Variants in FBXO31 observed in about 807,000 individuals in gnomAD.
The protein encoded by FBXO31 is F-box only protein 31.
FBXO31 carries 24 observed loss-of-function variants against 54.4 expected under a neutral mutation model. The ratio of observed to expected loss-of-function variants is 0.44; its 90% confidence interval spans 0.32 to 0.62. The LOEUF (loss-of-function observed/expected upper bound fraction) is 0.62, where lower values mean the gene tolerates loss of function less well. FBXO31 is among the 20% of genes least tolerant of loss of function. FBXO31 has a pLI of 0.05. For missense variants in FBXO31, 665 were observed against 787.1 expected, an observed-to-expected ratio of 0.84 and a Z score of 1.86; for synonymous variants, 388 against 335.6, an observed-to-expected ratio of 1.16 and a Z score of -1.71.
chr16:87,345,428 G>C lies in FBXO31; in HGVS notation c.490-1663C>G, dbSNP rs190828457. 3.7e-4 allele frequency among the ~76,000 whole-genome samples: 56 copies of C among 152,280 alleles called. No individual in the cohort carries two copies. Among genetic ancestry groups the C allele is most frequent in the Non-Finnish European group, 5.7e-4 (39 of 68,016 alleles). ...ACACTGGCACCACGCAGAGCCCGCAGAGCACCACCTCCTCACCCCACAGGG... is the reference window on the plus strand; with the variant it reads ...ACACTGGCACCACGCAGAGCCCGCACAGCACCACCTCCTCACCCCACAGGG... On this transcript the variant is annotated intron_variant, in intron 3 of 8. Transcript: ENST00000311635. The surrounding 1 kb of genome is among the most constrained non-coding windows in gnomAD (Gnocchi z 4.9).
At position 87,331,252 on chromosome 16, in the gene FBXO31, G is replaced by A; in HGVS notation, c.*36C>T. 6.3e-7 allele frequency: 1 copy of A among 1,594,210 alleles called. No homozygotes were observed. The highest frequency in any genetic ancestry group is 1.3e-5 in the African/African-American group (1 of 74,672). On this transcript the variant is annotated 3_prime_UTR_variant, in exon 9 of 9. Coordinates refer to ENST00000311635, the MANE Select transcript of FBXO31 (RefSeq NM_024735.5). ...TCACAGGTCAGAGTTCAGAGCCCCA[G>A]AGCCACCCGGGATGTGGCGGCAAGG...
chr16:87,380,169 G>A (rs1907012529), intron 1 of FBXO31, among the ~76,000 whole-genome samples: 1 of 150,778 alleles, frequency 6.6e-6, no homozygotes, highest in East Asian at 2.0e-4. Flanking sequence ...ATAGTGGCGG[G>A]CGCCTGTAGT....
At chr16:87,343,245 C>T (rs1220631541) in intron 4 of FBXO31, among the ~76,000 whole-genome samples, 1 of 152,266 alleles carries the variant, frequency 6.6e-6, no homozygotes. Context: ...GCAGATGACA[C>T]GCTGTGCTCA....
chr16:87,332,167 C>A (rs1904882397), intron 8 of FBXO31, among the ~76,000 whole-genome samples: 1 of 152,226 alleles, frequency 6.6e-6, no homozygotes. Context: ...GGACCAGGGC[C>A]TGGCCTCAGA....
In FBXO31 at chr16:87,331,358, CG is replaced by C; in HGVS notation, c.1549del (p.Arg517GlyfsTer44). On this transcript the variant is annotated frameshift_variant, in exon 9 of 9. Transcript: ENST00000311635. LOFTEE classifies it high-confidence loss of function. ...SLYSRVQATF[R>X]NADAPSPQAF... ...CTGTGGGGACGGCGCATCTGCGTTC[CG>C]GAAGGTGGCCTGGACCCGGCTGTAC... The C allele has an allele frequency of 6.2e-7, 1 of 1,613,984 alleles. No homozygotes were observed. The highest frequency in any genetic ancestry group is 1.3e-5 in the African/African-American group (1 of 75,044).
chr16:87,356,220 C>T (rs1905884449), intron 2 of FBXO31, among the ~76,000 whole-genome samples: 1 of 146,994 alleles, frequency 6.8e-6, no homozygotes, highest in African/African-American at 2.5e-5. Context: ...CAGAGTGAGA[C>T]TCCATCTCAA....
chr16:87,349,014 A>G (rs1428601932), intron 2 of FBXO31, among the ~76,000 whole-genome samples: 1 of 152,228 alleles, frequency 6.6e-6, no homozygotes, highest in Non-Finnish European at 1.5e-5. Flanking sequence ...AGACTTCAGT[A>G]AAGACAGAGA....
rs934271625 is a variant in FBXO31 at position 87,327,090 on chromosome 16, C to T, written c.*4198G>A. On this transcript the variant is annotated 3_prime_UTR_variant, in exon 9 of 9. Transcript: ENST00000311635. The stretch of plus-strand genomic sequence containing the variant: ...CCGGTCCTACCTAGTGGGTGCCTAC[C>T]CAGGCAGGGCACAGCTCCTGCTGCA... 6.6e-6 allele frequency: 1 copy of T among 152,324 alleles called. No homozygotes were observed. Among genetic ancestry groups the T allele is most frequent in the African/African-American group, 2.4e-5 (1 of 41,444 alleles). The allele number at this position is 152,324 out of a possible 1,614,324, so 9.4% of individuals were successfully genotyped here.
At position 87,328,081 on chromosome 16, in the gene FBXO31, C is replaced by G. The variant is rs1451133194; in HGVS notation, c.*3207G>C. 1 of 152,254 alleles carries G rather than the reference C, an allele frequency of 6.6e-6. No individual in the cohort carries two copies. The highest frequency in any genetic ancestry group is 1.5e-5 in the Non-Finnish European group (1 of 68,084). 9.4% of individuals were successfully genotyped at this position (152,254 alleles called of 1,614,324 possible). On this transcript the variant is annotated 3_prime_UTR_variant, in exon 9 of 9. Coordinates refer to ENST00000311635, the MANE Select transcript of FBXO31 (RefSeq NM_024735.5). ...GGGGCTGAGGAGTTTCTGCTGCTGT[C>G]CGTGACTGCCCACGAGCACTGAAAA... is the stretch of plus-strand genomic sequence containing the variant.
intron 1 of FBXO31, among the ~76,000 whole-genome samples, chr16:87,363,529 G>C (rs1486981412): frequency 6.6e-6 from 1 of 152,216 alleles, no homozygotes; most frequent in Non-Finnish European, 1.5e-5. Flanking sequence ...GTGAAAATTT[G>C]TCAATGATAG....
intron 1 of FBXO31, among the ~76,000 whole-genome samples, chr16:87,375,057 G>A (rs1445093970): frequency 6.6e-6 from 1 of 152,184 alleles, no homozygotes; most frequent in East Asian, 1.9e-4. Context: ...GGTGGCTCAC[G>A]CTTGTAATCC....
upstream of FBXO31, among the ~76,000 whole-genome samples, chr16:87,385,152 T>C (rs1183422135): frequency 7.3e-6 from 1 of 136,192 alleles, no homozygotes; most frequent in African/African-American, 2.8e-5. Context: ...GACGCCCCCA[T>C]CTCTACAAAT....
At chr16:87,365,573 G>A (rs953528336) in intron 1 of FBXO31, among the ~76,000 whole-genome samples, 3 of 152,198 alleles carry the variant, frequency 2.0e-5, no homozygotes, top group Non-Finnish European at 2.9e-5. Context: ...CAAGATACCC[G>A]GGATGGCTGG....
chr16:87,334,352 C>G (rs1904975714), intron 7 of FBXO31, 66 bp from the exon 8 acceptor site: 1 of 1,434,426 alleles, frequency 7.0e-7, no homozygotes, highest in Non-Finnish European at 9.4e-7. Flanking sequence ...TGTGTGGGCT[C>G]CAGCCCAGAT....
At position 87,330,927 on chromosome 16, in the gene FBXO31, G is replaced by A. The variant is rs773520020; in HGVS notation, c.*361C>T. On this transcript the variant is annotated 3_prime_UTR_variant, in exon 9 of 9. Coordinates refer to ENST00000311635, the MANE Select transcript of FBXO31 (RefSeq NM_024735.5). ...CTATCACTCTATCCGCTCACAGGAA[G>A]AGCACCAGTCAGGAGGGTCCTGCTT... 3.8e-6 allele frequency: 1 copy of A among 263,322 alleles called. No homozygotes were observed. Among genetic ancestry groups the A allele is most frequent in the African/African-American group, 2.2e-5 (1 of 45,004 alleles). 16.3% of individuals were successfully genotyped at this position (263,322 alleles called of 1,614,324 possible). A position where few individuals can be genotyped will look rare whatever the true frequency, so the allele number is the denominator to read the frequency against.
At chr16:87,374,679 G>C (rs185141382) in intron 1 of FBXO31, among the ~76,000 whole-genome samples, 269 of 152,332 alleles carry the variant, frequency 1.8e-3, no homozygotes, top group Non-Finnish European at 3.1e-3. Flanking sequence ...AAAACGGCAA[G>C]CTATGAATTC....
intron 2 of FBXO31, among the ~76,000 whole-genome samples, 165 bp from the exon 3 acceptor site, chr16:87,347,415 C>T (rs1015802811): frequency 9.9e-5 from 15 of 152,112 alleles, no homozygotes; most frequent in African/African-American, 2.9e-4. Flanking sequence ...AGAATGAGGC[C>T]GGGTGCGGTG....
At chr16:87,383,783 G>C, upstream of FBXO31, 1 of 1,163,102 alleles carries the variant, frequency 8.6e-7, no homozygotes, top group Non-Finnish European at 1.1e-6. This position sits in a 1 kb window ranked among gnomAD's most constrained non-coding sequence, Gnocchi z 4.9. Flanking sequence ...CTGTGCGCAC[G>C]CTCCAGCGCG....
At chr16:87,356,415 C>G (rs1028396043) in intron 2 of FBXO31, among the ~76,000 whole-genome samples, 1 of 152,124 alleles carries the variant, frequency 6.6e-6, no homozygotes, top group Non-Finnish European at 1.5e-5. Flanking sequence ...TTGCCCACCC[C>G]TCCTTTTCCA....
Sources: allele counts gnomAD v4.1 joint callset (sites outside exome capture counted in the v4.1 genomes callset), GRCh38; gene constraint gnomAD v4.1.1; non-coding constraint Gnocchi (gnomAD v3.1); transcripts MANE v1.5; gene names NCBI Gene and HGNC (gene_info 2026-07-23, HGNC 2026-07-21).